RPS20: variants seen among roughly 807,000 people sequenced by gnomAD.
RPS20 encodes ribosomal protein S20, also known as small ribosomal subunit protein uS10.
A neutral mutation model predicts 15.3 loss-of-function variants in RPS20; 3 were observed. That is an observed-to-expected ratio of 0.20 (90% CI 0.09 to 0.51). The LOEUF (loss-of-function observed/expected upper bound fraction) is 0.51, where lower values mean the gene tolerates loss of function less well. Among genes scored for constraint, RPS20 ranks in the 20% least tolerant of loss-of-function variants. RPS20 has a pLI of 0.96. For missense variants in RPS20, 67 were observed against 145.9 expected (o/e 0.46, Z 2.79); for synonymous variants, 62 against 47.8 (o/e 1.30, Z -1.23).
At chr8:56,070,563 C>T (rs1318634885), downstream of RPS20, among the ~76,000 whole-genome samples, 1 of 151,634 alleles carries the variant, frequency 6.6e-6, no homozygotes, top group East Asian at 1.9e-4. Flanking sequence ...TGGCAAGACC[C>T]CATCTCCACA....
At chr8:56,068,141 G>A (rs1371665907), downstream of RPS20, 1 of 152,178 alleles carries the variant, frequency 6.6e-6, no homozygotes, top group Admixed American at 6.5e-5. Context: ...AACTGAGTGG[G>A]TTTATTATAC....
downstream of RPS20, among the ~76,000 whole-genome samples, chr8:56,070,321 GTAAC>G (rs578222960): frequency 1.6e-4 from 24 of 152,248 alleles, no homozygotes; most frequent in East Asian, 3.1e-3. Flanking sequence ...CCATAACCAA[GTAAC>G]TAATTTTGGA....
downstream of RPS20, among the ~76,000 whole-genome samples, chr8:56,068,741 T>C (rs1215881222): frequency 1.3e-5 from 2 of 148,756 alleles, no homozygotes; most frequent in Non-Finnish European, 3.0e-5. Flanking sequence ...GCACAGTTGC[T>C]TGAAAGCATC....
chr8:56,072,921 T>G (rs948256903), downstream of RPS20: 1 of 1,367,306 alleles, frequency 7.3e-7, no homozygotes, highest in Non-Finnish European at 9.4e-7. Context: ...AGTTTTCAAA[T>G]GACTCAAACG....
chr8:56,074,043 A>G lies in RPS20; in HGVS notation c.103+17T>C, dbSNP rs1450379932. The G allele has an allele frequency of 1.3e-6, 2 of 1,589,274 alleles. No individual in the cohort carries two copies. Among genetic ancestry groups the G allele is most frequent in the Non-Finnish European group, 1.7e-6 (2 of 1,158,664 alleles). On this transcript the variant is annotated intron_variant, in intron 2 of 3. Transcript: ENST00000009589. ...TCGCCCAATTCCCCCTCCCCCCCGCATAACGAATGCACTGACCCTTTTCCA... is the reference window on the plus strand; with the variant it reads ...TCGCCCAATTCCCCCTCCCCCCCGCGTAACGAATGCACTGACCCTTTTCCA...
downstream of RPS20, among the ~76,000 whole-genome samples, chr8:56,071,384 CTTA>C (rs1809751685): frequency 1.3e-5 from 2 of 152,188 alleles, no homozygotes; most frequent in Admixed American, 1.3e-4. Context: ...TTAAAATGGT[CTTA>C]TTAACTGATA....
chr8:56,068,802 AAT>A (rs1457601926), downstream of RPS20, among the ~76,000 whole-genome samples: 2 of 111,756 alleles, frequency 1.8e-5, no homozygotes, highest in African/African-American at 3.4e-5. Context: ...TCTTGGTGAA[AAT>A]ATCTTTTTTT....
Position 56,074,079 on chromosome 8 carries a change from G to C in RPS20, c.84C>G (p.Asn28Lys). Residue 28 changes from asparagine (N) to lysine (K), a missense_variant, in exon 2 of 4, where the codon AAC (asparagine) becomes AAG (lysine). Asn to Lys is a moderately conservative substitution (Grantham distance 94, BLOSUM62 0). Transcript: ENST00000009589. ...HRIRITLTSRNVKSLEKVCAD... is the reference protein window; with the variant it reads ...HRIRITLTSRKVKSLEKVCAD... ...ACTGACCCTTTTCCAAGGATTTTACGTTGCGGCTTGTTAGGGTGATTCGAA... is the reference window on the plus strand; with the variant it reads ...ACTGACCCTTTTCCAAGGATTTTACCTTGCGGCTTGTTAGGGTGATTCGAA... 6.2e-7 allele frequency: 1 copy of C among 1,613,612 alleles called. No homozygotes were observed. The highest frequency in any genetic ancestry group is 8.5e-7 in the Non-Finnish European group (1 of 1,179,840).
chr8:56,069,266 T>C (rs1179148628), downstream of RPS20, among the ~76,000 whole-genome samples: 1 of 152,002 alleles, frequency 6.6e-6, no homozygotes, highest in Non-Finnish European at 1.5e-5. Context: ...TTTTTGAGAC[T>C]GAGTTTAGCT....
intron 2 of RPS20, 35 bp downstream of exon 2, chr8:56,074,025 A>C: frequency 6.5e-7 from 1 of 1,540,322 alleles, no homozygotes; most frequent in Non-Finnish European, 9.0e-7. Flanking sequence ...TTTTCGCCCA[A>C]TTCCCCCTCC....
At chr8:56,071,972 T>C (rs77650416), downstream of RPS20, among the ~76,000 whole-genome samples, 6,247 of 152,278 alleles carry the variant, frequency 0.041, 432 homozygotes, top group African/African-American at 0.14. Flanking sequence ...CTGGGTACAG[T>C]GGCTCACTCC....
downstream of RPS20, among the ~76,000 whole-genome samples, chr8:56,070,658 G>A (rs1809726582): frequency 6.6e-6 from 1 of 151,122 alleles, no homozygotes; most frequent in Non-Finnish European, 1.5e-5. Context: ...CAGCCAGGGA[G>A]TTGAAGGCTG....
downstream of RPS20, chr8:56,072,808 ACCCCATAC>A (rs754515689): frequency 2.8e-6 from 3 of 1,056,276 alleles, no homozygotes; most frequent in African/African-American, 5.0e-5. Flanking sequence ...AAACCTTAAC[ACCCCATAC>A]CAATCAGAAT....
At chr8:56,070,965 A>T (rs987817863), downstream of RPS20, among the ~76,000 whole-genome samples, 4 of 152,320 alleles carry the variant, frequency 2.6e-5, no homozygotes, top group African/African-American at 9.6e-5. Context: ...TATTTAATCT[A>T]TCCTGAATTC....
At chr8:56,073,865 ACCGTTACTCAACACAATAGGTACCT>A in intron 2 of RPS20, 97 bp from the exon 3 acceptor site, 1 of 1,212,148 alleles carries the variant, frequency 8.2e-7, no homozygotes, top group Non-Finnish European at 1.2e-6. Context: ...TAAAATTATC[ACCGTTACTCAACACAATAGGTACCT>A]CCTCATCGCC....
rs1286058568 is a variant in RPS20, at chr8:56,073,253, C to A, written c.197G>T (p.Arg66Ile). ...MPTKTLRITT[R>I]KTPCGEGSKT... is the part of the protein sequence containing the mutation. The stretch of plus-strand genomic sequence containing the variant: ...AGAACCTTCACCACAAGGAGTTTTT[C>A]TTGTAGTGATTCTCAAAGTCTGTAA... Residue 66 changes from arginine (R) to isoleucine (I), a missense_variant, in exon 4 of 4, where the codon AGA (arginine) becomes ATA (isoleucine). Transcript: ENST00000009589. 3 of 1,607,994 alleles carry A rather than the reference C, an allele frequency of 1.9e-6. No homozygotes were observed. In the South Asian group the frequency reaches 3.3e-5, roughly 18 times the overall value.
downstream of RPS20, chr8:56,068,654 G>A (rs1809671130): frequency 6.6e-6 from 1 of 151,574 alleles, no homozygotes; most frequent in Non-Finnish European, 1.5e-5. Flanking sequence ...ATGGAGGGTA[G>A]GGCTAAAATA....
intron 1 of RPS20, 23 bp from the exon 2 acceptor site, chr8:56,074,182 G>A (rs749446897): frequency 2.1e-5 from 33 of 1,594,942 alleles, no homozygotes; most frequent in Non-Finnish European, 2.6e-5. Flanking sequence ...ACATGAAAAA[G>A]AACAATAAGC....
chr8:56,071,939 T>A (rs76179351), downstream of RPS20, among the ~76,000 whole-genome samples: 2,959 of 152,248 alleles, frequency 0.019, 79 homozygotes, highest in African/African-American at 0.06. Flanking sequence ...TGTAAGGGTA[T>A]CTATCTGATT....
Sources: allele counts gnomAD v4.1 joint callset (sites outside exome capture counted in the v4.1 genomes callset), GRCh38; gene constraint gnomAD v4.1.1; transcripts MANE v1.5; gene names NCBI Gene and HGNC (gene_info 2026-07-23, HGNC 2026-07-21).